Variants in PPP2R2B observed in about 807,000 individuals in gnomAD.
PPP2R2B encodes the protein protein phosphatase 2 regulatory subunit Bbeta.
PPP2R2B carries 5 observed loss-of-function variants against 46.0 expected under a neutral mutation model. The ratio of observed to expected loss-of-function variants is 0.11; its 90% CI spans 0.06 to 0.23. The LOEUF (loss-of-function observed/expected upper bound fraction) is 0.23. PPP2R2B is among the 10% of genes least tolerant of loss of function. The pLI, the probability that PPP2R2B is intolerant of heterozygous loss-of-function variation, is 1.00. For synonymous variants in PPP2R2B, 215 were observed against 206.7 expected (o/e 1.04, Z -0.34); for missense variants, 367 against 575.0 (o/e 0.64, Z 3.70).
intron 5 of PPP2R2B, among the ~76,000 whole-genome samples, chr5:146,687,338 C>T (rs1250072268): frequency 6.6e-6 from 1 of 152,090 alleles, no homozygotes; most frequent in Admixed American, 6.5e-5. Flanking sequence ...CAAAGTAGAT[C>T]AAAGCTTGGT....
intron 2 of PPP2R2B, among the ~76,000 whole-genome samples, chr5:146,773,877 T>C (rs1415344720): frequency 6.6e-6 from 1 of 152,226 alleles, no homozygotes; most frequent in Non-Finnish European, 1.5e-5. Context: ...TTAGCACTTA[T>C]TGACAGCCTA....
chr5:146,857,744 A>G (rs1406884674), intron 2 of PPP2R2B, among the ~76,000 whole-genome samples: 1 of 151,488 alleles, frequency 6.6e-6, no homozygotes, highest in Non-Finnish European at 1.5e-5. Context: ...CTGGAGTGCA[A>G]TGGCACGATC....
intron 2 of PPP2R2B, among the ~76,000 whole-genome samples, chr5:146,771,362 C>A (rs910910206): frequency 1.2e-4 from 19 of 152,144 alleles, no homozygotes; most frequent in African/African-American, 4.3e-4. Context: ...CACAATAAAT[C>A]CCTTGCGAAC....
intron 2 of PPP2R2B, among the ~76,000 whole-genome samples, chr5:146,853,440 A>C (rs879371501): frequency 6.6e-6 from 1 of 152,132 alleles, no homozygotes; most frequent in Non-Finnish European, 1.5e-5. Context: ...ACAGGTTCTA[A>C]GTTAAACTTG....
chr5:146,789,471 A>C (rs151099474), intron 2 of PPP2R2B, among the ~76,000 whole-genome samples: 99 of 152,298 alleles, frequency 6.5e-4, no homozygotes, highest in African/African-American at 2.3e-3. Flanking sequence ...GAGCAGTCTC[A>C]GGTGAAACAG....
intron 2 of PPP2R2B, among the ~76,000 whole-genome samples, chr5:146,729,850 G>T (rs1419236926): frequency 6.6e-6 from 1 of 152,240 alleles, no homozygotes; most frequent in East Asian, 1.9e-4. Flanking sequence ...TGCAGGGGCA[G>T]GGCCCTCATG....
intron 1 of PPP2R2B, among the ~76,000 whole-genome samples, chr5:147,045,212 C>T (rs935896717): frequency 1.3e-5 from 2 of 152,120 alleles, no homozygotes; most frequent in Non-Finnish European, 2.9e-5. Flanking sequence ...TGTGTCCCAC[C>T]CCTTAAAATA....
chr5:146,942,381 T>A (rs1014152269), intron 1 of PPP2R2B, among the ~76,000 whole-genome samples: 1 of 152,194 alleles, frequency 6.6e-6, no homozygotes, highest in African/African-American at 2.4e-5. Context: ...AAACAAATGT[T>A]CTTTTCTTAT....
At chr5:146,672,034 A>C (rs1432475131) in intron 5 of PPP2R2B, among the ~76,000 whole-genome samples, 1 of 152,224 alleles carries the variant, frequency 6.6e-6, no homozygotes, top group Non-Finnish European at 1.5e-5. Context: ...ACACAAAAGG[A>C]GAATATAAGT....
intron 5 of PPP2R2B, among the ~76,000 whole-genome samples, chr5:146,667,298 T>C (rs570335806): frequency 8.0e-4 from 120 of 149,576 alleles, no homozygotes; most frequent in African/African-American, 2.4e-3. Context: ...GTTTGCTGGT[T>C]CCAAGGAGAG....
At position 146,848,379 on chromosome 5, in the gene PPP2R2B, G is replaced by A. The variant is rs553137181; in HGVS notation, c.70+29623C>T. 2.0e-5 allele frequency among the ~76,000 whole-genome samples: 3 copies of A among 152,002 alleles called. No homozygotes were observed. In the South Asian group the frequency reaches 6.3e-4, roughly 32 times the overall value. ...TTTCTAATGTCCTTTTTCTACTCTAGGATCCTACCCAGGATAGTACATTAC... is the reference window on the plus strand; with the variant it reads ...TTTCTAATGTCCTTTTTCTACTCTAAGATCCTACCCAGGATAGTACATTAC... On this transcript the variant is annotated intron_variant, in intron 2 of 9. Coordinates refer to ENST00000394411, the MANE Select transcript of PPP2R2B (RefSeq NM_181675.4).
intron 1 of PPP2R2B, among the ~76,000 whole-genome samples, chr5:146,906,045 A>G (rs1762985034): frequency 6.6e-6 from 1 of 152,172 alleles, no homozygotes; most frequent in Non-Finnish European, 1.5e-5. Flanking sequence ...TGGACATTTG[A>G]ACCTATTTTT....
intron 8 of PPP2R2B, among the ~76,000 whole-genome samples, chr5:146,598,950 T>C (rs1203075678): frequency 2.6e-5 from 4 of 152,184 alleles, no homozygotes; most frequent in Admixed American, 2.6e-4. Context: ...CATTGAATTG[T>C]GCACTTTGAA....
rs75645559 is a variant in PPP2R2B, at chr5:146,608,185, C to A, written c.791-7725G>T. On this transcript the variant is annotated intron_variant, in intron 7 of 9. Coordinates refer to ENST00000394411, the MANE Select transcript of PPP2R2B (RefSeq NM_181675.4). ...CAGGGGAATCAGCATGAATAAATGC[C>A]TGGGGTGATCAATGCATTTTTGTGG... is the stretch of plus-strand genomic sequence containing the variant. Among the ~76,000 whole-genome samples the A allele has an allele frequency of 6.8e-3, 1,032 of 152,182 alleles. 23 individuals carry two copies. The highest frequency in any genetic ancestry group is 0.05 in the East Asian group (261 of 5,170).
chr5:146,630,654 T>G (rs1774363770), intron 7 of PPP2R2B, among the ~76,000 whole-genome samples: 1 of 152,208 alleles, frequency 6.6e-6, no homozygotes, highest in South Asian at 2.1e-4. Context: ...GCTTACTTCC[T>G]GGACACAGTA....
At chr5:146,781,319 C>T (rs1273408683) in intron 2 of PPP2R2B, among the ~76,000 whole-genome samples, 2 of 150,796 alleles carry the variant, frequency 1.3e-5, no homozygotes, top group East Asian at 3.9e-4. Context: ...ATTATCCTGC[C>T]TCTCTCATAA....
intron 2 of PPP2R2B, among the ~76,000 whole-genome samples, chr5:146,862,870 A>C (rs1384158139): frequency 2.0e-5 from 3 of 151,708 alleles, no homozygotes; most frequent in Non-Finnish European, 4.4e-5. Flanking sequence ...AAAAAAAAAA[A>C]AAAAAAACCC....
At chr5:146,802,248 G>A (rs1362985315) in intron 2 of PPP2R2B, among the ~76,000 whole-genome samples, 1 of 152,156 alleles carries the variant, frequency 6.6e-6, no homozygotes, top group Non-Finnish European at 1.5e-5. Context: ...TCTCTAGAAT[G>A]CATTGGATAC....
chr5:146,812,927 C>A (rs890588911), intron 2 of PPP2R2B, among the ~76,000 whole-genome samples: 1 of 145,390 alleles, frequency 6.9e-6, no homozygotes, highest in East Asian at 2.1e-4. Flanking sequence ...TCAGTTATAT[C>A]CCGCTGGGTC....
Sources: gnomAD v4.1 joint callset for allele counts (sites outside exome capture counted in the v4.1 genomes callset) on GRCh38, gnomAD v4.1.1 for gene constraint, MANE v1.5 for transcripts, NCBI Gene and HGNC (gene_info 2026-07-23, HGNC 2026-07-21) for gene names.